Variants in AGBL4 observed in about 807,000 individuals in gnomAD.
AGBL4 encodes cytosolic carboxypeptidase 6.
Under a neutral mutation model 66.4 loss-of-function variants are expected in AGBL4, and 58 were observed. The observed-to-expected ratio is 0.87, with a 90% CI of 0.71 to 1.09. The LOEUF is 1.09. Ranked by LOEUF, AGBL4 falls within the 50% of genes least tolerant of loss-of-function variation. The pLI is 0.00. For missense variants in AGBL4, 579 were observed against 631.0 expected, an observed-to-expected ratio of 0.92 and a Z score of 0.88; for synonymous variants, 234 against 222.9, an observed-to-expected ratio of 1.05 and a Z score of -0.44.
intron 5 of AGBL4, among the ~76,000 whole-genome samples, chr1:48,894,502 G>C (rs1651310136): frequency 6.6e-6 from 1 of 152,064 alleles, no homozygotes. Flanking sequence ...TTGGGAATTG[G>C]TTAAATACAT....
At chr1:49,357,672 T>A (rs2148530113) in intron 3 of AGBL4, among the ~76,000 whole-genome samples, 1 of 152,240 alleles carries the variant, frequency 6.6e-6, no homozygotes, top group African/African-American at 2.4e-5. Flanking sequence ...GGCAAGGAAT[T>A]TGCACTGAGG....
intron 3 of AGBL4, among the ~76,000 whole-genome samples, chr1:49,562,323 T>A (rs1182753738): frequency 6.6e-6 from 1 of 152,156 alleles, no homozygotes; most frequent in Non-Finnish European, 1.5e-5. Flanking sequence ...TTAGATCCCA[T>A]TTGTCAATTT....
chr1:49,886,738 T>C (rs1161764002), intron 1 of AGBL4, among the ~76,000 whole-genome samples: 2 of 152,146 alleles, frequency 1.3e-5, no homozygotes, highest in African/African-American at 4.8e-5. Context: ...CAGGAAGGCA[T>C]AATGACAGAT....
chr1:49,540,260 T>C (rs1401227912), intron 3 of AGBL4, among the ~76,000 whole-genome samples: 1 of 152,216 alleles, frequency 6.6e-6, no homozygotes, highest in Non-Finnish European at 1.5e-5. Flanking sequence ...TAAATATATC[T>C]TATCTTTTTA....
At chr1:49,022,316 A>T (rs1663308278) in intron 5 of AGBL4, among the ~76,000 whole-genome samples, 1 of 152,160 alleles carries the variant, frequency 6.6e-6, no homozygotes. Context: ...TGCTATCAAG[A>T]AAAAAAGGTA....
At chr1:48,569,489 C>T (rs1644526160) in intron 11 of AGBL4, among the ~76,000 whole-genome samples, 1 of 152,184 alleles carries the variant, frequency 6.6e-6, no homozygotes, top group African/African-American at 2.4e-5. Context: ...TCCCTGATTT[C>T]CAGGAGCCCA....
chr1:49,606,583 C>T (rs1645067560), intron 3 of AGBL4, among the ~76,000 whole-genome samples: 1 of 152,100 alleles, frequency 6.6e-6, no homozygotes, highest in Admixed American at 6.6e-5. Context: ...TGTCCTGATT[C>T]ATTCTTTGTT....
chr1:49,246,333 A>T (rs368444334), intron 3 of AGBL4, among the ~76,000 whole-genome samples: 18 of 152,104 alleles, frequency 1.2e-4, no homozygotes, highest in East Asian at 3.9e-4. Flanking sequence ...TCATATTATC[A>T]TCAGGGTAAG....
chr1:49,090,886 A>G (rs897971466), intron 4 of AGBL4, among the ~76,000 whole-genome samples: 1 of 152,218 alleles, frequency 6.6e-6, no homozygotes, highest in Non-Finnish European at 1.5e-5. Flanking sequence ...GTATAAAAAT[A>G]TACACATAGA....
At chr1:49,140,523 C>T (rs1646098075) in intron 4 of AGBL4, among the ~76,000 whole-genome samples, 1 of 152,204 alleles carries the variant, frequency 6.6e-6, no homozygotes, top group Admixed American at 6.5e-5. Context: ...CAGGCCAGCA[C>T]AGAAGAATAT....
At chr1:49,013,956 T>C (rs555598635) in intron 5 of AGBL4, among the ~76,000 whole-genome samples, 1 of 152,322 alleles carries the variant, frequency 6.6e-6, no homozygotes, top group African/African-American at 2.4e-5. Flanking sequence ...CTCTTTTATA[T>C]TATATTGTCC....
chr1:49,875,416 T>C (rs1223370743), intron 1 of AGBL4, among the ~76,000 whole-genome samples: 3 of 139,848 alleles, frequency 2.1e-5, no homozygotes, highest in Non-Finnish European at 4.6e-5. Flanking sequence ...GTTTGGTTTT[T>C]TGTTCTTGCG....
At chr1:49,666,762 C>T (rs1411791745) in intron 3 of AGBL4, among the ~76,000 whole-genome samples, 1 of 151,962 alleles carries the variant, frequency 6.6e-6, no homozygotes, top group Non-Finnish European at 1.5e-5. Context: ...TTAATACTCA[C>T]AAGAACTCTA....
At chr1:49,158,770 A>T (rs1320906086) in intron 4 of AGBL4, among the ~76,000 whole-genome samples, 1 of 151,690 alleles carries the variant, frequency 6.6e-6, no homozygotes, top group Non-Finnish European at 1.5e-5. Context: ...CCGCATATAT[A>T]TTTAGGATAA....
At position 49,439,206 on chromosome 1, in the gene AGBL4, A is replaced by T. The variant is rs908713860; in HGVS notation, c.283-193342T>A. Among the ~76,000 whole-genome samples the T allele has an allele frequency of 2.0e-5, 3 of 152,184 alleles. No homozygotes were observed. The East Asian group carries it at 5.8e-4, about 29-fold the overall frequency. On this transcript the variant is annotated intron_variant, in intron 3 of 13. Coordinates refer to ENST00000371839, the MANE Select transcript of AGBL4 (RefSeq NM_032785.4). ...TAGGAGATGAACGTAAAAGAAAGCAAGGAAAGGCCAAGTGAATGGCAAGTG... is the reference window on the plus strand; with the variant it reads ...TAGGAGATGAACGTAAAAGAAAGCATGGAAAGGCCAAGTGAATGGCAAGTG...
At chr1:49,105,514 T>C (rs1194237472) in intron 4 of AGBL4, among the ~76,000 whole-genome samples, 14 of 152,144 alleles carry the variant, frequency 9.2e-5, no homozygotes, top group Admixed American at 9.2e-4. Flanking sequence ...GAAATGCTGA[T>C]ATCCTGGTCC....
At chr1:49,052,314 G>A (rs887522075) in intron 4 of AGBL4, among the ~76,000 whole-genome samples, 1 of 152,098 alleles carries the variant, frequency 6.6e-6, no homozygotes, top group South Asian at 2.1e-4. Flanking sequence ...GAAACTCCAG[G>A]GACAGGCACC....
chr1:49,552,761 T>C (rs542620955), intron 3 of AGBL4, among the ~76,000 whole-genome samples: 3 of 152,288 alleles, frequency 2.0e-5, no homozygotes, highest in African/African-American at 4.8e-5. Flanking sequence ...TGATTCACAA[T>C]GCAAGGCCCT....
chr1:49,472,334 T>C (rs966342140), intron 3 of AGBL4, among the ~76,000 whole-genome samples: 5 of 152,028 alleles, frequency 3.3e-5, no homozygotes, highest in African/African-American at 1.2e-4. Context: ...GAGAAAAATG[T>C]AATTAGTAGA....
Sources: gnomAD v4.1 joint callset for allele counts (sites outside exome capture counted in the v4.1 genomes callset) on GRCh38, gnomAD v4.1.1 for gene constraint, MANE v1.5 for transcripts, NCBI Gene and HGNC (gene_info 2026-07-23, HGNC 2026-07-21) for gene names.